STRA8: variants seen among roughly 807,000 people sequenced by gnomAD.
STRA8 encodes the protein stimulated by retinoic acid 8.
A neutral mutation model predicts 37.1 loss-of-function variants in STRA8; 18 were observed. The ratio of observed to expected loss-of-function variants is 0.48; its 90% CI spans 0.34 to 0.72. The LOEUF (loss-of-function observed/expected upper bound fraction) is 0.72, where lower values mean the gene tolerates loss of function less well. Among genes scored for constraint, STRA8 ranks in the 30% least tolerant of loss-of-function variants. The pLI, the probability that STRA8 is intolerant of heterozygous loss-of-function variation, is 0.01. For synonymous variants in STRA8, 168 were observed against 162.9 expected (o/e 1.03, Z -0.24); for missense variants, 357 against 410.4 (o/e 0.87, Z 1.13).
At chr7:135,245,099 T>G (rs1305613548) in intron 4 of STRA8, among the ~76,000 whole-genome samples, 189 bp from the exon 5 acceptor site, 1 of 152,180 alleles carries the variant, frequency 6.6e-6, no homozygotes, top group Non-Finnish European at 1.5e-5. Context: ...TGAATTGCAT[T>G]GATTGATTTT....
intron 7 of STRA8, among the ~76,000 whole-genome samples, chr7:135,253,406 T>G (rs1315705011): frequency 6.6e-6 from 1 of 152,142 alleles, no homozygotes; most frequent in Non-Finnish European, 1.5e-5. Context: ...CCAGGGCAGC[T>G]TGCGGGCAGG....
chr7:135,258,560 G>A lies in STRA8; in HGVS notation c.*68G>A. 3 of 1,384,960 alleles carry A rather than the reference G, an allele frequency of 2.2e-6. No individual in the cohort carries two copies. The highest frequency in any genetic ancestry group is 2.6e-5 in the South Asian group (2 of 78,224). The allele number at this position is 1,384,960 out of a possible 1,614,324, so 85.8% of individuals were successfully genotyped here. A position where few individuals can be genotyped will look rare whatever the true frequency, so the allele number is the denominator to read the frequency against. On this transcript the variant is annotated 3_prime_UTR_variant, in exon 9 of 9. Transcript: ENST00000662584. ...CAGTTCCCAAGGTTGAATGCTGGCA[G>A]CTAAGGTTGCACCTGCCTTGGCCTC... is the stretch of plus-strand genomic sequence containing the variant.
At chr7:135,249,456 T>G (rs1832608585) in intron 6 of STRA8, among the ~76,000 whole-genome samples, 1 of 151,942 alleles carries the variant, frequency 6.6e-6, no homozygotes. Flanking sequence ...TGGTGGCGAG[T>G]GCCTGTAACC....
chr7:135,255,294 G>T (rs919705129), intron 8 of STRA8, 69 bp downstream of exon 8: 2 of 1,240,210 alleles, frequency 1.6e-6, no homozygotes, highest in Non-Finnish European at 2.4e-6. Context: ...GCTCTTAAGG[G>T]CAGCCCTAAC....
intron 7 of STRA8, among the ~76,000 whole-genome samples, chr7:135,254,352 G>T (rs1452117221): frequency 6.6e-6 from 1 of 152,214 alleles, no homozygotes; most frequent in African/African-American, 2.4e-5. Context: ...AGGAAGTGAG[G>T]GCTGCCTGCT....
rs545634838 is a variant in STRA8, at chr7:135,251,922, T to C, written c.953+53T>C. ...TGCCCCTGTGTGGGTGGATGTGAGATTGTGTGTGCGCAGGTGTGTATGTGT... is the reference window on the plus strand; with the variant it reads ...TGCCCCTGTGTGGGTGGATGTGAGACTGTGTGTGCGCAGGTGTGTATGTGT... On this transcript the variant is annotated intron_variant, in intron 7 of 8. Transcript: ENST00000662584. 9 of 1,551,080 alleles carry C rather than the reference T, an allele frequency of 5.8e-6. No homozygotes were observed. In the South Asian group the frequency reaches 6.7e-5, roughly 12 times the overall value.
intron 1 of STRA8, among the ~76,000 whole-genome samples, chr7:135,238,379 G>T (rs142463180): frequency 1.1e-3 from 172 of 152,314 alleles, no homozygotes; most frequent in Non-Finnish European, 2.0e-3. Flanking sequence ...CCCCTATGGG[G>T]GAGGCAGAGG....
intron 4 of STRA8, among the ~76,000 whole-genome samples, chr7:135,244,305 G>A (rs1237550515): frequency 6.6e-6 from 1 of 152,196 alleles, no homozygotes; most frequent in Non-Finnish European, 1.5e-5. Context: ...GTATCTACCT[G>A]CCTTGGCCTC....
In STRA8 at chr7:135,258,609, TC is replaced by T; in HGVS notation, c.*119del. 1.4e-6 allele frequency: 1 copy of T among 725,466 alleles called. No homozygotes were observed. Among genetic ancestry groups the T allele is most frequent in the Non-Finnish European group, 2.3e-6 (1 of 436,714 alleles). 44.9% of individuals were successfully genotyped at this position (725,466 alleles called of 1,614,324 possible). A position where few individuals can be genotyped will look rare whatever the true frequency, so the allele number is the denominator to read the frequency against. ...TCCAGGACTCTTTGGAGTGGGTTGT[TC>T]CAGAAGCATTTTGATGATTTTAGTT... On this transcript the variant is annotated 3_prime_UTR_variant, in exon 9 of 9. Transcript: ENST00000662584.
chr7:135,249,930 A>G (rs1240950268), intron 6 of STRA8, among the ~76,000 whole-genome samples: 1 of 152,248 alleles, frequency 6.6e-6, no homozygotes, highest in South Asian at 2.1e-4. Flanking sequence ...TGTGGCCAGA[A>G]GCAGGGCTCT....
chr7:135,255,891 C>T (rs1026852401), intron 8 of STRA8, among the ~76,000 whole-genome samples: 1 of 152,260 alleles, frequency 6.6e-6, no homozygotes, highest in African/African-American at 2.4e-5. Context: ...GAACCTTTGA[C>T]ACCTTCCCAA....
chr7:135,251,578 G>A (rs1287192679), intron 6 of STRA8, among the ~76,000 whole-genome samples: 1 of 152,184 alleles, frequency 6.6e-6, no homozygotes, highest in Non-Finnish European at 1.5e-5. Flanking sequence ...GCCACCTCCA[G>A]GGTTGGCAGT....
rs552459850 is a variant in STRA8 at position 135,249,731 on chromosome 7, G to T, written c.880-2065G>T. ...TGATGCATGACAGTATCTACCAAATGCCTGAGCAATTCTGCCAAATTTGAC... is the reference window on the plus strand; with the variant it reads ...TGATGCATGACAGTATCTACCAAATTCCTGAGCAATTCTGCCAAATTTGAC... On this transcript the variant is annotated intron_variant, in intron 6 of 8. Transcript: ENST00000662584. Among the ~76,000 whole-genome samples the T allele has an allele frequency of 5.3e-5, 8 of 152,340 alleles. No individual in the cohort carries two copies. The South Asian group carries it at 1.7e-3, about 32-fold the overall frequency.
At chr7:135,241,493 G>A (rs555219948) in intron 2 of STRA8, among the ~76,000 whole-genome samples, 1 of 152,190 alleles carries the variant, frequency 6.6e-6, no homozygotes, top group South Asian at 2.1e-4. Context: ...CCCACACTCT[G>A]GCCACATCTC....
At chr7:135,250,822 T>C (rs1832625410) in intron 6 of STRA8, among the ~76,000 whole-genome samples, 1 of 152,266 alleles carries the variant, frequency 6.6e-6, no homozygotes, top group Non-Finnish European at 1.5e-5. Flanking sequence ...AAATTCAAAA[T>C]GTAACTAGGC....
Position 135,245,532 on chromosome 7 carries a change from G to C in STRA8, c.593+5G>C, listed in dbSNP as rs1386070753. Among the ~76,000 whole-genome samples, 1 of 152,196 alleles carries C rather than the reference G, an allele frequency of 6.6e-6. No homozygotes were observed. The highest frequency in any genetic ancestry group is 1.5e-5 in the Non-Finnish European group (1 of 68,044). ...TGACCTCATGGAATTTGAACGGTGT[G>C]AACAGTTGGGTGGGGTGGCTCTGTG... On this transcript the variant is annotated splice_donor_5th_base_variant and intron_variant, in intron 5 of 8. Coordinates refer to ENST00000662584, the MANE Select transcript of STRA8 (RefSeq NM_001394401.1).
At chr7:135,251,319 G>C (rs986148106) in intron 6 of STRA8, among the ~76,000 whole-genome samples, 6 of 152,188 alleles carry the variant, frequency 3.9e-5, no homozygotes, top group African/African-American at 1.4e-4. Context: ...AGCTAGCAAG[G>C]GACACAGGCC....
intron 1 of STRA8, among the ~76,000 whole-genome samples, 35 bp downstream of exon 1, chr7:135,233,938 T>C (rs530469955): frequency 1.4e-4 from 22 of 152,268 alleles, no homozygotes; most frequent in African/African-American, 5.3e-4. Flanking sequence ...TCCAGAAAGG[T>C]GCCCTTGGGC....
intron 1 of STRA8, among the ~76,000 whole-genome samples, chr7:135,236,806 C>T (rs928630294): frequency 3.9e-5 from 6 of 152,136 alleles, no homozygotes; most frequent in Non-Finnish European, 5.9e-5. Context: ...CCCATCCCCA[C>T]GCTTGGGAGA....
Sources: allele counts gnomAD v4.1 joint callset (sites outside exome capture counted in the v4.1 genomes callset), GRCh38; gene constraint gnomAD v4.1.1; transcripts MANE v1.5; gene names NCBI Gene and HGNC (gene_info 2026-07-23, HGNC 2026-07-21).